The following DEPDC4 variants were observed in gnomAD, a reference collection of about 807,000 sequenced individuals.
DEPDC4 encodes DEP domain containing 4.
A neutral mutation model predicts 52.0 loss-of-function variants in DEPDC4; 52 were observed. That is an observed-to-expected ratio of 1.00 (90% confidence interval 0.80 to 1.26). DEPDC4 has a LOEUF of 1.26. Ranked by LOEUF, DEPDC4 falls within the 50% of genes most tolerant of loss-of-function variation. DEPDC4 has a pLI of 0.00. For missense variants in DEPDC4, 530 were observed against 546.9 expected (o/e 0.97, Z 0.31); for synonymous variants, 201 against 196.8 (o/e 1.02, Z -0.18).
the DEPDC4 span, among the ~76,000 whole-genome samples, chr12:100,277,193 C>T: frequency 3.9e-5 from 6 of 152,132 alleles, no homozygotes; most frequent in East Asian, 7.7e-4. Flanking sequence ...TACGTGTCTA[C>T]ATGAAAACCA....
chr12:100,251,564 C>T (rs118006701), intron 7 of DEPDC4, among the ~76,000 whole-genome samples: 1 of 151,602 alleles, frequency 6.6e-6, no homozygotes, highest in African/African-American at 2.4e-5. Flanking sequence ...TGTGCCACCA[C>T]CCCTGGCATT....
rs1256545650 is a variant in DEPDC4, at chr12:100,241,734, G to A, written c.*158C>T. 7.9e-7 allele frequency: 1 copy of A among 1,265,576 alleles called. No homozygotes were observed. The highest frequency in any genetic ancestry group is 1.0e-6 in the Non-Finnish European group (1 of 977,634). 78.4% of individuals were successfully genotyped at this position (1,265,576 alleles called of 1,614,324 possible). ...AATTAATTTCTTTTTTCGTTTCAGA[G>A]AGATGCTGGGGTTACTATTAATCTC... On this transcript the variant is annotated 3_prime_UTR_variant, in exon 10 of 10. Coordinates refer to ENST00000550587, the MANE Select transcript of DEPDC4 (RefSeq NM_001364818.2).
chr12:100,267,252 T>G (rs915388831), upstream of DEPDC4: 7 of 661,416 alleles, frequency 1.1e-5, no homozygotes. Flanking sequence ...CTCCGACGTT[T>G]GCGGCCGCGG....
Position 100,252,457 on chromosome 12 carries a change from T to C in DEPDC4, c.1185A>G (p.Leu395=). The change falls in exon 6 of 10, where the codon TTA becomes TTG. Residue 395 remains leucine, a synonymous_variant. Coordinates refer to ENST00000550587, the MANE Select transcript of DEPDC4 (RefSeq NM_001364818.2). ...TTGCCATAAAAGTAAGTAGCCGTCGTAATTCTTCTCTAATGTTCAGCAACA... is the reference window on the plus strand; with the variant it reads ...TTGCCATAAAAGTAAGTAGCCGTCGCAATTCTTCTCTAATGTTCAGCAACA... ...RLLLLNIREE[L]RRLLTFMAMA... 1 of 1,606,312 alleles carries C rather than the reference T, an allele frequency of 6.2e-7. No individual in the cohort carries two copies.
At chr12:100,277,177 G>A in the DEPDC4 span, among the ~76,000 whole-genome samples, 1 of 152,130 alleles carries the variant, frequency 6.6e-6, no homozygotes, top group Non-Finnish European at 1.5e-5. Flanking sequence ...TCATTTTAGT[G>A]AATGTTACGT....
intron 1 of DEPDC4, among the ~76,000 whole-genome samples, chr12:100,264,246 C>A (rs937301015): frequency 2.0e-5 from 3 of 152,170 alleles, no homozygotes; most frequent in Admixed American, 6.5e-5. Context: ...TTGATTATTA[C>A]AGAGTTGTGG....
In DEPDC4 at chr12:100,241,827, G is replaced by A; in HGVS notation, c.*65C>T. The A allele has an allele frequency of 8.3e-7, 1 of 1,200,172 alleles. No homozygotes were observed. The highest frequency in any genetic ancestry group is 1.5e-5 in the South Asian group (1 of 64,946). The allele number at this position is 1,200,172 out of a possible 1,614,324, so 74.3% of individuals were successfully genotyped here. A position where few individuals can be genotyped will look rare whatever the true frequency, so the allele number is the denominator to read the frequency against. On this transcript the variant is annotated 3_prime_UTR_variant, in exon 10 of 10. Transcript: ENST00000550587. ...CTTTTCAAACTCCTTGTATGTCAAG[G>A]GTTGGCAAAACGTAAAGCCTGGAAA...
rs746693169 is a variant in DEPDC4, at chr12:100,242,324, C to CTT, written c.*46+160_*46+161dup. The stretch of plus-strand genomic sequence containing the variant: ...ACCCTGAAGACCATTACTATGAGGG[C>CTT]TTTTTTTTTTTTTTTTTTTGCCTAT... On this transcript the variant is annotated intron_variant, in intron 9 of 9. Coordinates refer to ENST00000550587, the MANE Select transcript of DEPDC4 (RefSeq NM_001364818.2). 4.2e-3 allele frequency among the ~76,000 whole-genome samples: 401 copies of CTT among 96,002 alleles called. 4 individuals carry two copies. The highest frequency in any genetic ancestry group is 0.034 in the East Asian group (112 of 3,310). 63.0% of individuals were successfully genotyped at this position (96,002 alleles called of 152,430 possible). A position where few individuals can be genotyped will look rare whatever the true frequency, so the allele number is the denominator to read the frequency against.
chr12:100,270,419 C>T (rs919304471), upstream of DEPDC4, among the ~76,000 whole-genome samples: 4 of 152,030 alleles, frequency 2.6e-5, no homozygotes, highest in African/African-American at 9.7e-5. Context: ...GAAACTGTCA[C>T]CCCTCTGCTA....
intron 9 of DEPDC4, among the ~76,000 whole-genome samples, chr12:100,234,890 C>G (rs539523306): frequency 2.6e-5 from 4 of 152,136 alleles, no homozygotes; most frequent in Non-Finnish European, 4.4e-5. Context: ...CTTTATGAAG[C>G]TGTCACTAGG....
chr12:100,280,269 T>A, the DEPDC4 span, among the ~76,000 whole-genome samples: 1 of 152,262 alleles, frequency 6.6e-6, no homozygotes, highest in Non-Finnish European at 1.5e-5. Context: ...TTTAAATGTA[T>A]GAAATAAAAT....
chr12:100,232,395 C>CA (rs71436984), intron 9 of DEPDC4, among the ~76,000 whole-genome samples: 22,174 of 115,996 alleles, frequency 0.19, 2,076 homozygotes, highest in Non-Finnish European at 0.25. Context: ...GACTCCGTCT[C>CA]AAAAAAAAAA....
intron 8 of DEPDC4, among the ~76,000 whole-genome samples, chr12:100,246,838 T>C (rs2096187642): frequency 6.6e-6 from 1 of 152,032 alleles, no homozygotes; most frequent in Non-Finnish European, 1.5e-5. Context: ...CTTGGGAGGC[T>C]GAGGCAGGAG....
In DEPDC4 at chr12:100,262,271, T is replaced by G. The variant is rs1057081984; in HGVS notation, c.693A>C (p.Ser231=). Residue 231 remains serine, a synonymous_variant, in exon 3 of 10, where the codon TCA becomes TCC. Coordinates refer to ENST00000550587, the MANE Select transcript of DEPDC4 (RefSeq NM_001364818.2). The part of the protein sequence containing the change: ...ITVQKPFLRL[S]KEDVWKEQTL... ...ATAATGAAAACAAATTACCTTCTTT[T>G]GAAAGCCGGAGAAAAGGTTTCTGAA... is the stretch of plus-strand genomic sequence containing the variant. 6.2e-7 allele frequency: 1 copy of G among 1,600,760 alleles called. No individual in the cohort carries two copies.
chr12:100,263,955 T>C, intron 1 of DEPDC4, 62 bp from the exon 2 acceptor site: 1 of 1,491,678 alleles, frequency 6.7e-7, no homozygotes, highest in Non-Finnish European at 9.0e-7. Context: ...TGCAAATTTT[T>C]CAGTTTTGAC....
chr12:100,260,903 A>G (rs1038193062), intron 3 of DEPDC4, among the ~76,000 whole-genome samples: 3 of 151,416 alleles, frequency 2.0e-5, no homozygotes, highest in African/African-American at 7.3e-5. Flanking sequence ...CTCAATGGCC[A>G]GCCAAGGAGG....
At position 100,267,006 on chromosome 12, in the gene DEPDC4, A is replaced by G. The variant is rs2096277096; in HGVS notation, c.71T>C (p.Val24Ala). The change falls in exon 1 of 10, where the codon GTC becomes GCC. Residue 24 changes from valine (V) to alanine (A), a missense_variant. Val to Ala is a moderately conservative substitution (Grantham distance 64). Transcript: ENST00000550587. The part of the protein sequence containing the change: ...VLLTPRFRRL[V>A]SQNELPGPGL... ...TGGGCCCGGAAGCTCGTTCTGACTG[A>G]CAAGTCTACGGAACCTCGGAGTCAA... The G allele has an allele frequency of 1.2e-6, 2 of 1,614,080 alleles. No homozygotes were observed. The highest frequency in any genetic ancestry group is 2.2e-5 in the East Asian group (1 of 44,864).
chr12:100,277,238 A>G, the DEPDC4 span, among the ~76,000 whole-genome samples: 1 of 152,314 alleles, frequency 6.6e-6, no homozygotes, highest in South Asian at 2.1e-4. Flanking sequence ...CATGAAAACA[A>G]TTTGTCATTT....
At chr12:100,232,720 C>G (rs1379945891) in intron 9 of DEPDC4, among the ~76,000 whole-genome samples, 1 of 151,964 alleles carries the variant, frequency 6.6e-6, no homozygotes, top group Non-Finnish European at 1.5e-5. Flanking sequence ...CCCATCTCTA[C>G]TAAAAATACA....
Sources: allele counts gnomAD v4.1 joint callset (sites outside exome capture counted in the v4.1 genomes callset), GRCh38; gene constraint gnomAD v4.1.1; transcripts MANE v1.5; gene names NCBI Gene and HGNC (gene_info 2026-07-23, HGNC 2026-07-21).